CCNO: variants seen among roughly 807,000 people sequenced by gnomAD.
The protein encoded by CCNO is cyclin O, also known as cyclin-O.
A neutral mutation model predicts 23.9 loss-of-function variants in CCNO; 24 were observed. The observed-to-expected ratio is 1.00, with a 90% CI of 0.73 to 1.41. The LOEUF (loss-of-function observed/expected upper bound fraction) is 1.41. CCNO is among the 40% of genes most tolerant of loss of function. CCNO has a pLI of 0.00. For missense variants in CCNO, 542 were observed against 476.2 expected, an observed-to-expected ratio of 1.14 and a Z score of -1.29; for synonymous variants, 241 against 225.7, an observed-to-expected ratio of 1.07 and a Z score of -0.61.
At position 55,231,731 on chromosome 5, in the gene CCNO, T is replaced by G; in HGVS notation, c.697A>C (p.Ile233Leu). The G allele has an allele frequency of 6.3e-7, 1 of 1,576,680 alleles. No homozygotes were observed. Among genetic ancestry groups the G allele is most frequent in the Non-Finnish European group, 8.6e-7 (1 of 1,161,720 alleles). The change falls in exon 3 of 3, where the codon ATT becomes CTT. Residue 233 changes from isoleucine to leucine, a missense_variant. By Grantham distance (5) the Ile-to-Leu change is conservative (BLOSUM62 2). Transcript: ENST00000282572. ...GTGAAATGCTCCAGGAAGAAGCTAA[T>G]GGTGGGCGCACCCAGGGTGAAGTGC... ...KLHFTLGAPTISFFLEHFTHA... is the reference protein window; with the variant it reads ...KLHFTLGAPTLSFFLEHFTHA...
chr5:55,233,472 TC>T lies in CCNO; in HGVS notation c.51del (p.Arg18GlyfsTer12). ...CGAAGGTTCTGGTCGTTGTCCCGCC[TC>T]CCCGCTCGGGCGGCGGGGCTCGAGG... is the stretch of plus-strand genomic sequence containing the variant. ...TSPSSPAARA[G>X]RRDNDQNLRA... On this transcript the variant is annotated frameshift_variant, in exon 1 of 3. Transcript: ENST00000282572. LOFTEE classifies it high-confidence loss of function. The T allele has an allele frequency of 6.2e-7, 1 of 1,600,818 alleles. No individual in the cohort carries two copies.
chr5:55,232,253 A>T, intron 2 of CCNO, 108 bp downstream of exon 2: 1 of 980,366 alleles, frequency 1.0e-6, no homozygotes, highest in South Asian at 1.4e-5. Context: ...GAGTTCTGGG[A>T]ACCCAGCACT....
At chr5:55,232,661 T>C in intron 1 of CCNO, 115 bp from the exon 2 acceptor site, 4 of 984,760 alleles carry the variant, frequency 4.1e-6, no homozygotes, top group African/African-American at 3.2e-5. Flanking sequence ...GGCAAGAAGA[T>C]TTCAGAAAGA....
At position 55,233,387 on chromosome 5, in the gene CCNO, A is replaced by C. The variant is rs781019205; in HGVS notation, c.137T>G (p.Leu46Arg). The change falls in exon 1 of 3, where the codon CTG (leucine) becomes CGG (arginine). Residue 46 changes from leucine to arginine, a missense_variant. By Grantham distance (102) the Leu-to-Arg change is moderately radical. Transcript: ENST00000282572. The part of the protein sequence containing the change: ...RLRRKQPLHP[L>R]NPCPLPGDSG... ...GTCTCCCGGGAGCGGGCACGGGTTCAGGGGATGCAGCGGCTGCTTCCTCCG... is the reference window on the plus strand; with the variant it reads ...GTCTCCCGGGAGCGGGCACGGGTTCCGGGGATGCAGCGGCTGCTTCCTCCG... 1 of 1,610,666 alleles carries C rather than the reference A, an allele frequency of 6.2e-7. No homozygotes were observed. The highest frequency in any genetic ancestry group is 1.1e-5 in the South Asian group (1 of 90,758).
At chr5:55,232,843 TTAAA>T in intron 1 of CCNO, 1 of 585,830 alleles carries the variant, frequency 1.7e-6, no homozygotes, top group Non-Finnish European at 3.0e-6. Flanking sequence ...CTCAGGGGTG[TTAAA>T]TAACTTGCCC....
chr5:55,231,990 C>T, intron 2 of CCNO, 130 bp from the exon 3 acceptor site: 1 of 1,045,434 alleles, frequency 9.6e-7, no homozygotes, highest in Non-Finnish European at 1.3e-6. Flanking sequence ...ACTGCTTCCA[C>T]GTAAGTGACC....
At position 55,232,357 on chromosome 5, in the gene CCNO, G is replaced by A. The variant is rs780395694; in HGVS notation, c.567+4C>T. 5.6e-6 allele frequency: 9 copies of A among 1,613,054 alleles called. No individual in the cohort carries two copies. The highest frequency in any genetic ancestry group is 1.7e-5 in the Admixed American group (1 of 59,996). On this transcript the variant is annotated splice_donor_region_variant and intron_variant, in intron 2 of 2. Transcript: ENST00000282572. ...CGCGTGTACCTGTTTGATACCCCAG[G>A]TACCTGTTTGCAAGCGATGAGCAAG... is the stretch of plus-strand genomic sequence containing the variant.
Position 55,233,293 on chromosome 5 carries a change from C to T in CCNO, c.231G>A (p.Ala77=), listed in dbSNP as rs770551339. Residue 77 remains alanine, a synonymous_variant, in exon 1 of 3, where the codon GCG becomes GCA. Transcript: ENST00000282572. ...GSDGAESPSA[A]RGGSPLPGPA... is the part of the protein sequence containing the mutation. The stretch of plus-strand genomic sequence containing the variant: ...GGCCGGGCAGGGGGCTACCACCCCG[C>T]GCCGCAGAGGGGCTCTCTGCGCCGT... The T allele has an allele frequency of 1.3e-5, 20 of 1,591,222 alleles. No homozygotes were observed. The highest frequency in any genetic ancestry group is 1.5e-5 in the Non-Finnish European group (18 of 1,171,072).
At position 55,231,270 on chromosome 5, in the gene CCNO, A is replaced by G; in HGVS notation, c.*105T>C. The stretch of plus-strand genomic sequence containing the variant: ...ACTATTTACAACCTGCAGCTGACCA[A>G]GCAGGTCCTGAAGCCTTCTCTGTGG... On this transcript the variant is annotated 3_prime_UTR_variant, in exon 3 of 3. Transcript: ENST00000282572. The G allele has an allele frequency of 3.1e-6, 4 of 1,305,278 alleles. No homozygotes were observed. The highest frequency in any genetic ancestry group is 4.3e-6 in the Non-Finnish European group (4 of 932,564). 80.9% of individuals were successfully genotyped at this position (1,305,278 alleles called of 1,614,324 possible).
Position 55,232,484 on chromosome 5 carries a change from G to A in CCNO, c.444C>T (p.Gly148=), listed in dbSNP as rs771267355. ...SWLIPVHRQF[G]LSFESLCLTV... is the part of the protein sequence containing the mutation. ...TCAGGCACAGCGACTCGAAGGAGAG[G>A]CCGAATTGGCGGTGCACCGGGATCA... The change falls in exon 2 of 3, where the codon GGC becomes GGT. Residue 148 remains glycine (G), a synonymous_variant. Coordinates refer to ENST00000282572, the MANE Select transcript of CCNO (RefSeq NM_021147.5). 3.1e-6 allele frequency: 5 copies of A among 1,613,926 alleles called. No individual in the cohort carries two copies. The South Asian group carries it at 4.4e-5, about 14-fold the overall frequency.
chr5:55,233,161 C>G lies in CCNO; in HGVS notation c.363G>C (p.Ala121=). The change falls in exon 1 of 3, where the codon GCG becomes GCC. Residue 121 remains alanine, a synonymous_variant. Coordinates refer to ENST00000282572, the MANE Select transcript of CCNO (RefSeq NM_021147.5). Reference sequence around the variant, plus strand: ...ACCTCACTTGTGGCTGCCGTGCCAGCGCCTCCCGCGGGTGGAAGTGGCTCT... The same window carrying G: ...ACCTCACTTGTGGCTGCCGTGCCAGGGCCTCCCGCGGGTGGAAGTGGCTCT... ...AQESHFHPRE[A]LARQPQVTAE... 1 of 1,544,786 alleles carries G rather than the reference C, an allele frequency of 6.5e-7. No individual in the cohort carries two copies. Among genetic ancestry groups the G allele is most frequent in the African/African-American group, 1.4e-5 (1 of 73,104 alleles).
chr5:55,232,336 T>G, intron 2 of CCNO, 25 bp downstream of exon 2: 1 of 1,604,492 alleles, frequency 6.2e-7, no homozygotes, highest in Non-Finnish European at 8.5e-7. Flanking sequence ...AGATGCCGCG[T>G]GTACCTGTTT....
At position 55,233,510 on chromosome 5, in the gene CCNO, CAG is replaced by C. The variant is rs1745667991; in HGVS notation, c.12_13del (p.Cys5SerfsTer76). On this transcript the variant is annotated frameshift_variant, in exon 1 of 3. Transcript: ENST00000282572. LOFTEE classifies it high-confidence loss of function. ...GGCGGGGCTCGAGGGGCTGGTGGGA[CAG>C]GGGGTCACCATGATGCGGCCGGGTG... The C allele has an allele frequency of 3.2e-6, 5 of 1,583,118 alleles. No homozygotes were observed. The highest frequency in any genetic ancestry group is 4.3e-6 in the Non-Finnish European group (5 of 1,165,306).
At position 55,231,706 on chromosome 5, in the gene CCNO, G is replaced by C. The variant is rs901510184; in HGVS notation, c.722C>G (p.Thr241Arg). The part of the protein sequence containing the change: ...PTISFFLEHF[T>R]HARVEAGQAE... ...CTGCCCCGCCTCCACGCGAGCGTGC[G>C]TGAAATGCTCCAGGAAGAAGCTAAT... is the stretch of plus-strand genomic sequence containing the variant. The change falls in exon 3 of 3, where the codon ACG (threonine) becomes AGG (arginine). Residue 241 changes from threonine to arginine, a missense_variant. Coordinates refer to ENST00000282572, the MANE Select transcript of CCNO (RefSeq NM_021147.5). 2 of 1,578,554 alleles carry C rather than the reference G, an allele frequency of 1.3e-6. No individual in the cohort carries two copies. Among genetic ancestry groups the C allele is most frequent in the African/African-American group, 2.7e-5 (2 of 74,310 alleles).
Position 55,233,564 on chromosome 5 carries a change from G to C in CCNO, c.-41C>G, listed in dbSNP as rs760308884. ...CCGCTTTACTACCTTCAACGCCCGG[G>C]CTGCGGCGGGCAGCAAACGCGCACT... On this transcript the variant is annotated 5_prime_UTR_variant, in exon 1 of 3. Coordinates refer to ENST00000282572, the MANE Select transcript of CCNO (RefSeq NM_021147.5). 1 of 1,474,506 alleles carries C rather than the reference G, an allele frequency of 6.8e-7. No homozygotes were observed. The highest frequency in any genetic ancestry group is 8.9e-7 in the Non-Finnish European group (1 of 1,119,208). 91.3% of individuals were successfully genotyped at this position (1,474,506 alleles called of 1,614,324 possible). A position where few individuals can be genotyped will look rare whatever the true frequency, so the allele number is the denominator to read the frequency against.
chr5:55,231,737 G>A lies in CCNO; in HGVS notation c.691C>T (p.Pro231Ser). The change falls in exon 3 of 3, where the codon CCC (proline) becomes TCC (serine). Residue 231 changes from proline (P) to serine (S), a missense_variant. Physicochemically the swap from Pro to Ser is moderately conservative, Grantham distance 74. Coordinates refer to ENST00000282572, the MANE Select transcript of CCNO (RefSeq NM_021147.5). ...LHKLHFTLGA[P>S]TISFFLEHFT... The stretch of plus-strand genomic sequence containing the variant: ...TGCTCCAGGAAGAAGCTAATGGTGG[G>A]CGCACCCAGGGTGAAGTGCAGCTTG... 6.3e-7 allele frequency: 1 copy of A among 1,575,232 alleles called. No homozygotes were observed. The highest frequency in any genetic ancestry group is 8.6e-7 in the Non-Finnish European group (1 of 1,161,042).
Position 55,231,607 on chromosome 5 carries a change from G to C in CCNO, c.821C>G (p.Ala274Gly). Residue 274 changes from alanine to glycine, a missense_variant, in exon 3 of 3, where the codon GCC (alanine) becomes GGC (glycine). Transcript: ENST00000282572. ...GAGGGAAGGGGAGTAGCTGGTGAAG[G>C]CATAGTCGGCCAGACTCAGCTCTGC... ...GVAELSLADY[A>G]FTSYSPSLLA... 11 of 1,612,348 alleles carry C rather than the reference G, an allele frequency of 6.8e-6. No homozygotes were observed. The highest frequency in any genetic ancestry group is 9.3e-6 in the Non-Finnish European group (11 of 1,179,564).
Position 55,231,724 on chromosome 5 carries a change from A to C in CCNO, c.704T>G (p.Phe235Cys), listed in dbSNP as rs1222416807. ...AGCGTGCGTGAAATGCTCCAGGAAG[A>C]AGCTAATGGTGGGCGCACCCAGGGT... The part of the protein sequence containing the change: ...HFTLGAPTIS[F>C]FLEHFTHARV... Residue 235 changes from phenylalanine (F) to cysteine (C), a missense_variant, in exon 3 of 3, where the codon TTC becomes TGC. Coordinates refer to ENST00000282572, the MANE Select transcript of CCNO (RefSeq NM_021147.5). 1.9e-6 allele frequency: 3 copies of C among 1,577,664 alleles called. No homozygotes were observed. The highest frequency in any genetic ancestry group is 1.3e-5 in the African/African-American group (1 of 74,328).
At position 55,231,757 on chromosome 5, in the gene CCNO, A is replaced by T; in HGVS notation, c.671T>A (p.Leu224Gln). ...GGTGGGCGCACCCAGGGTGAAGTGC[A>T]GCTTGTGCAGCACGATGCACTCGAG... ...CNLECIVLHK[L>Q]HFTLGAPTIS... Residue 224 changes from leucine (L) to glutamine (Q), a missense_variant, in exon 3 of 3, where the codon CTG becomes CAG. Physicochemically the swap from Leu to Gln is moderately radical, Grantham distance 113. Coordinates refer to ENST00000282572, the MANE Select transcript of CCNO (RefSeq NM_021147.5). 6.4e-7 allele frequency: 1 copy of T among 1,570,606 alleles called. No individual in the cohort carries two copies. The highest frequency in any genetic ancestry group is 8.6e-7 in the Non-Finnish European group (1 of 1,158,576).
Sources: gnomAD v4.1 joint callset for allele counts on GRCh38, gnomAD v4.1.1 for gene constraint, MANE v1.5 for transcripts, NCBI Gene and HGNC (gene_info 2026-07-23, HGNC 2026-07-21) for gene names.